Variants in RAB27A observed in about 807,000 individuals in gnomAD.
RAB27A encodes the protein RAB27A, member RAS oncogene family, also known as ras-related protein Rab-27A.
Under a neutral mutation model 20.8 loss-of-function variants are expected in RAB27A, and 17 were observed. That is an observed-to-expected ratio of 0.82 (90% CI 0.56 to 1.23). RAB27A has a LOEUF of 1.23. Ranked by LOEUF, RAB27A falls within the 50% of genes most tolerant of loss-of-function variation. The pLI is 0.00. For synonymous variants in RAB27A, 85 were observed against 92.8 expected, an observed-to-expected ratio of 0.92 and a Z score of 0.48; for missense variants, 277 against 266.7, an observed-to-expected ratio of 1.04 and a Z score of -0.27.
At chr15:55,206,250 T>C (rs1042638454) in intron 6 of RAB27A, 38 of 660,510 alleles carry the variant, frequency 5.8e-5, no homozygotes, top group Middle Eastern at 7.6e-4. Flanking sequence ...CATATATATA[T>C]TTTGGCAATA....
intron 5 of RAB27A, among the ~76,000 whole-genome samples, chr15:55,226,323 G>C (rs1895792232): frequency 6.6e-6 from 1 of 152,104 alleles, no homozygotes; most frequent in South Asian, 2.1e-4. Flanking sequence ...GCTTACTTTA[G>C]ACTTTTATCA....
chr15:55,205,394 G>T lies in RAB27A; in HGVS notation c.*113C>A. ...TTTATTCGTAGGTCTAATGGGGATG[G>T]TGAGAAGCAATTTGTACACAATGCC... On this transcript the variant is annotated 3_prime_UTR_variant, in exon 7 of 7. Transcript: ENST00000336787. The T allele has an allele frequency of 8.9e-7, 1 of 1,120,858 alleles. No homozygotes were observed. The highest frequency in any genetic ancestry group is 1.4e-6 in the Non-Finnish European group (1 of 734,162). The allele number at this position is 1,120,858 out of a possible 1,614,324, so 69.4% of individuals were successfully genotyped here. A position where few individuals can be genotyped will look rare whatever the true frequency, so the allele number is the denominator to read the frequency against.
In RAB27A at chr15:55,226,509, TTGTGTGTGTGTG is replaced by T. The variant is rs36074324; in HGVS notation, c.343+2088_343+2099del. 4.0e-5 allele frequency among the ~76,000 whole-genome samples: 6 copies of T among 148,758 alleles called. No homozygotes were observed. In the East Asian group the frequency reaches 7.9e-4, roughly 19 times the overall value. The stretch of plus-strand genomic sequence containing the variant: ...GCACTCACCACTGATTTTTATGTAT[TTGTGTGTGTGTG>T]TGTGTGTGTGTGTGAGTGTGTATTT... On this transcript the variant is annotated intron_variant, in intron 5 of 6. Transcript: ENST00000336787.
intron 6 of RAB27A, chr15:55,206,207 T>TCAAAAAAAA (rs1385661868): frequency 2.7e-5 from 13 of 487,220 alleles, no homozygotes; most frequent in Non-Finnish European, 3.5e-5. Context: ...TTAGACTGTC[T>TCAAAAAAAA]CAAAAAAAAT....
chr15:55,207,232 C>T (rs944711328), intron 6 of RAB27A, among the ~76,000 whole-genome samples: 4 of 152,124 alleles, frequency 2.6e-5, no homozygotes, highest in Admixed American at 6.6e-5. Flanking sequence ...GAAAATAAGA[C>T]GGTAATATCT....
chr15:55,303,671 C>A (rs1418127601), intron 2 of RAB27A, among the ~76,000 whole-genome samples: 27 of 115,442 alleles, frequency 2.3e-4, no homozygotes, highest in African/African-American at 9.1e-4. Flanking sequence ...GGGGGGTCAG[C>A]CCCCCTGCCC....
intron 2 of RAB27A, among the ~76,000 whole-genome samples, chr15:55,303,152 C>T (rs1288697158): frequency 4.1e-5 from 5 of 121,128 alleles, no homozygotes; most frequent in Admixed American, 7.6e-5. Context: ...GCCCCCCGCC[C>T]GGCCAGCCGC....
chr15:55,271,565 C>G (rs926686028), intron 1 of RAB27A, among the ~76,000 whole-genome samples: 1 of 152,234 alleles, frequency 6.6e-6, no homozygotes, highest in East Asian at 1.9e-4. Flanking sequence ...CTGGATACAC[C>G]TTCCCTGTGC....
At chr15:55,259,076 A>G (rs1897184067) in intron 2 of RAB27A, among the ~76,000 whole-genome samples, 2 of 152,226 alleles carry the variant, frequency 1.3e-5, no homozygotes, top group African/African-American at 4.8e-5. Context: ...TTGGCCGTCC[A>G]AAGTGCTGAG....
At chr15:55,256,405 C>A (rs1359948428) in intron 2 of RAB27A, among the ~76,000 whole-genome samples, 1 of 152,042 alleles carries the variant, frequency 6.6e-6, no homozygotes. Flanking sequence ...CAGAGTGAGA[C>A]CCTGTCTCAA....
chr15:55,289,922 G>GCGGGGGGCGGGGTGCTGTC (rs1351018973), upstream of RAB27A: 2 of 151,834 alleles, frequency 1.3e-5, no homozygotes, highest in African/African-American at 4.8e-5. Context: ...CGCCCGGCTG[G>GCGGGGGGCGGGGTGCTGTC]CGGGGGGCGG....
At position 55,216,608 on chromosome 15, in the gene RAB27A, C is replaced by G. The variant is rs1057273195; in HGVS notation, c.467+7281G>C. Among the ~76,000 whole-genome samples, 3 of 152,112 alleles carry G rather than the reference C, an allele frequency of 2.0e-5. No individual in the cohort carries two copies. In the East Asian group the frequency reaches 5.8e-4, roughly 29 times the overall value. Reference sequence around the variant, plus strand: ...CTAGCAACATGGTAAACATTAAATTCTCAATCTGTGTGTTGTGTGAAAAAA... The same window carrying G: ...CTAGCAACATGGTAAACATTAAATTGTCAATCTGTGTGTTGTGTGAAAAAA... On this transcript the variant is annotated intron_variant, in intron 6 of 6. Transcript: ENST00000336787.
intron 6 of RAB27A, among the ~76,000 whole-genome samples, chr15:55,210,087 C>A (rs1175406988): frequency 7.7e-6 from 1 of 129,088 alleles, no homozygotes; most frequent in Non-Finnish European, 1.6e-5. Context: ...CATATATACA[C>A]ATATATGTGT....
intron 2 of RAB27A, among the ~76,000 whole-genome samples, chr15:55,261,709 CAAAAAAAAA>C (rs768256540): frequency 1.6e-4 from 3 of 18,652 alleles, no homozygotes; most frequent in East Asian, 2.1e-3. Flanking sequence ...CACTGCATCT[CAAAAAAAAA>C]AAAAAAAAAA....
intron 5 of RAB27A, among the ~76,000 whole-genome samples, chr15:55,228,347 T>G (rs899563829): frequency 6.6e-5 from 10 of 152,190 alleles, no homozygotes; most frequent in Non-Finnish European, 1.3e-4. Context: ...TTCTGTGGGA[T>G]AGACTGAAGA....
intron 5 of RAB27A, among the ~76,000 whole-genome samples, chr15:55,228,359 G>A (rs115120778): frequency 8.4e-4 from 128 of 152,300 alleles, no homozygotes; most frequent in Middle Eastern, 3.4e-3. Flanking sequence ...GACTGAAGAG[G>A]AGAGCACACA....
intron 4 of RAB27A, 144 bp downstream of exon 4, chr15:55,230,257 C>G: frequency 1.3e-6 from 1 of 774,894 alleles, no homozygotes. Context: ...TCATCTCAGA[C>G]TTGACAAATT....
At chr15:55,235,842 C>T (rs58080368) in intron 2 of RAB27A, among the ~76,000 whole-genome samples, 1,614 of 151,968 alleles carry the variant, frequency 0.011, 34 homozygotes, top group African/African-American at 0.037. Context: ...CAAAAAGGAA[C>T]GAAATAATGG....
intron 3 of RAB27A, among the ~76,000 whole-genome samples, chr15:55,233,783 G>C (rs1896140794): frequency 6.6e-6 from 1 of 152,204 alleles, no homozygotes; most frequent in African/African-American, 2.4e-5. Context: ...TTATACTTTA[G>C]ATGGATGGAT....
Sources: allele counts gnomAD v4.1 joint callset (sites outside exome capture counted in the v4.1 genomes callset), GRCh38; gene constraint gnomAD v4.1.1; transcripts MANE v1.5; gene names NCBI Gene and HGNC (gene_info 2026-07-23, HGNC 2026-07-21).